The following SLC41A2 variants were observed in gnomAD, a reference collection of about 807,000 sequenced individuals.
SLC41A2 encodes SLC41A1-like 1.
SLC41A2 carries 32 observed loss-of-function variants against 58.3 expected under a neutral mutation model. That is an observed-to-expected ratio of 0.55 (90% confidence interval 0.41 to 0.74). SLC41A2 has a LOEUF of 0.74. Among genes scored for constraint, SLC41A2 ranks in the 30% least tolerant of loss-of-function variants. The pLI, the probability that SLC41A2 is intolerant of heterozygous loss-of-function variation, is 0.00. For missense variants in SLC41A2, 514 were observed against 680.6 expected, an observed-to-expected ratio of 0.76 and a Z score of 2.72; for synonymous variants, 190 against 235.0, an observed-to-expected ratio of 0.81 and a Z score of 1.75.
chr12:104,803,608 A>AAAT lies in SLC41A2; in HGVS notation c.*1541_*1543dup, dbSNP rs1240839748. 6.6e-6 allele frequency: 1 copy of AAAT among 152,206 alleles called. No homozygotes were observed. The highest frequency in any genetic ancestry group is 1.5e-5 in the Non-Finnish European group (1 of 68,032). The allele number at this position is 152,206 out of a possible 1,614,324, so 9.4% of individuals were successfully genotyped here. A position where few individuals can be genotyped will look rare whatever the true frequency, so the allele number is the denominator to read the frequency against. On this transcript the variant is annotated 3_prime_UTR_variant, in exon 11 of 11. Coordinates refer to ENST00000258538, the MANE Select transcript of SLC41A2 (RefSeq NM_001352171.3). ...TGCATTTTGATACCCTTATCAGCTT[A>AAAT]AATTATTAAATATCTAACGGTCTTG...
chr12:104,955,016 C>CTTTTTTTTTTTTTT (rs375969264), intron 1 of SLC41A2, among the ~76,000 whole-genome samples: 2 of 79,174 alleles, frequency 2.5e-5, no homozygotes, highest in African/African-American at 5.2e-5. Flanking sequence ...TTGGCCCTTG[C>CTTTTTTTTTTTTTT]TTTTTTTTTT....
intron 6 of SLC41A2, among the ~76,000 whole-genome samples, chr12:104,880,819 T>C (rs1040575949): frequency 5.9e-5 from 9 of 152,232 alleles, no homozygotes; most frequent in African/African-American, 1.9e-4. Flanking sequence ...ATGAGGATGA[T>C]GCTGGCCTCA....
At chr12:104,932,624 C>CAAAAAAAAAAAAAAAAAAAAA (rs544329617) in intron 1 of SLC41A2, among the ~76,000 whole-genome samples, 6 of 46,070 alleles carry the variant, frequency 1.3e-4, no homozygotes, top group African/African-American at 2.6e-4. Flanking sequence ...GACTTTGTCT[C>CAAAAAAAAAAAAAAAAAAAAA]AAAAAAAAAA....
chr12:104,937,201 T>C (rs2047317572), intron 1 of SLC41A2, among the ~76,000 whole-genome samples: 1 of 152,224 alleles, frequency 6.6e-6, no homozygotes, highest in Non-Finnish European at 1.5e-5. Flanking sequence ...GTACATTTTG[T>C]GTAGCCTAAG....
chr12:104,877,869 G>A (rs576946098), intron 6 of SLC41A2, among the ~76,000 whole-genome samples: 9 of 151,860 alleles, frequency 5.9e-5, no homozygotes, highest in Non-Finnish European at 8.8e-5. Flanking sequence ...GCATGGTAGC[G>A]TGTGCTTGTA....
intron 6 of SLC41A2, among the ~76,000 whole-genome samples, chr12:104,879,187 T>C (rs2044227801): frequency 6.6e-6 from 1 of 152,078 alleles, no homozygotes; most frequent in Non-Finnish European, 1.5e-5. Flanking sequence ...AAATTTAAGT[T>C]CTTTGTAGAT....
intron 10 of SLC41A2, among the ~76,000 whole-genome samples, chr12:104,840,211 C>A (rs998171225): frequency 1.3e-5 from 2 of 152,116 alleles, no homozygotes; most frequent in Admixed American, 6.5e-5. Context: ...CTTTTGAGTT[C>A]ATAAGTTAAC....
intron 1 of SLC41A2, among the ~76,000 whole-genome samples, chr12:104,931,244 T>C (rs1182191735): frequency 6.6e-6 from 1 of 152,222 alleles, no homozygotes; most frequent in African/African-American, 2.4e-5. Context: ...ATATTTTTTG[T>C]TGTTGTTTGC....
At chr12:104,876,573 T>C (rs901108615) in intron 6 of SLC41A2, among the ~76,000 whole-genome samples, 16 of 152,204 alleles carry the variant, frequency 1.1e-4, no homozygotes, top group African/African-American at 3.9e-4. Context: ...TTTCCAGTTT[T>C]TTTCCTATTA....
intron 10 of SLC41A2, among the ~76,000 whole-genome samples, chr12:104,831,560 T>C (rs985454126): frequency 6.6e-5 from 10 of 152,212 alleles, no homozygotes; most frequent in African/African-American, 2.4e-4. Context: ...TTAAGCAACA[T>C]ATCACTGTAG....
At chr12:104,840,967 A>T (rs2042388715) in intron 10 of SLC41A2, among the ~76,000 whole-genome samples, 1 of 152,208 alleles carries the variant, frequency 6.6e-6, no homozygotes, top group African/African-American at 2.4e-5. Flanking sequence ...ACTCTGAAAA[A>T]AAAATCTTAT....
intron 1 of SLC41A2, among the ~76,000 whole-genome samples, chr12:104,936,408 G>T (rs1193421729): frequency 1.3e-5 from 2 of 152,156 alleles, no homozygotes; most frequent in Non-Finnish European, 2.9e-5. Flanking sequence ...ATGTGTGTGT[G>T]TATTAGTCCA....
At chr12:104,957,912 G>T (rs1341683498) in intron 1 of SLC41A2, among the ~76,000 whole-genome samples, 176 bp downstream of exon 1, 1 of 151,984 alleles carries the variant, frequency 6.6e-6, no homozygotes, top group Non-Finnish European at 1.5e-5. Flanking sequence ...GCTGCCCGGC[G>T]GCCCGGAGAG....
At chr12:104,947,582 T>C (rs2047776765) in intron 1 of SLC41A2, among the ~76,000 whole-genome samples, 2 of 152,096 alleles carry the variant, frequency 1.3e-5, no homozygotes, top group African/African-American at 2.4e-5. Context: ...TCATATTTTA[T>C]ATAACTTATC....
chr12:104,897,148 T>C (rs1325413708), intron 3 of SLC41A2, among the ~76,000 whole-genome samples: 5 of 145,864 alleles, frequency 3.4e-5, no homozygotes, highest in African/African-American at 7.6e-5. Flanking sequence ...TTTTTTCTTT[T>C]TTTTTTTTTT....
chr12:104,894,231 G>T (rs2045169781), intron 4 of SLC41A2, among the ~76,000 whole-genome samples: 1 of 151,882 alleles, frequency 6.6e-6, no homozygotes, highest in Non-Finnish European at 1.5e-5. Flanking sequence ...GCGCGTACCT[G>T]TAGTCCCAGC....
At chr12:104,849,085 G>A (rs1045376699) in intron 8 of SLC41A2, among the ~76,000 whole-genome samples, 8 of 152,048 alleles carry the variant, frequency 5.3e-5, no homozygotes, top group East Asian at 3.9e-4. Context: ...TAAAGACCTC[G>A]TGCAAAAGAA....
intron 2 of SLC41A2, among the ~76,000 whole-genome samples, chr12:104,910,177 T>C (rs2046021468): frequency 6.6e-6 from 1 of 152,190 alleles, no homozygotes; most frequent in Admixed American, 6.5e-5. Flanking sequence ...ATTAGTGCTA[T>C]TACTACCTAA....
At chr12:104,951,462 A>C (rs2047951671) in intron 1 of SLC41A2, 1 of 152,208 alleles carries the variant, frequency 6.6e-6, no homozygotes, top group Admixed American at 6.5e-5. Flanking sequence ...TAGTAAGATA[A>C]ATTTGAATCA....
Sources: allele counts gnomAD v4.1 joint callset (sites outside exome capture counted in the v4.1 genomes callset), GRCh38; gene constraint gnomAD v4.1.1; transcripts MANE v1.5; gene names NCBI Gene and HGNC (gene_info 2026-07-23, HGNC 2026-07-21).